The following ADAM12 variants were observed in gnomAD, a reference collection of about 807,000 sequenced individuals.
The protein encoded by ADAM12 is disintegrin and metalloproteinase domain-containing protein 12.
In ADAM12, 70 loss-of-function variants were observed where a neutral mutation model predicts 106.4. That is an observed-to-expected ratio of 0.66 (90% CI 0.54 to 0.80). The LOEUF (loss-of-function observed/expected upper bound fraction) is 0.80. Among genes scored for constraint, ADAM12 ranks in the 30% least tolerant of loss-of-function variants. ADAM12 has a pLI of 0.00. For missense variants in ADAM12, 1,010 were observed against 1,171.9 expected (o/e 0.86, Z 2.02); for synonymous variants, 420 against 433.5 (o/e 0.97, Z 0.39).
At position 126,087,157 on chromosome 10, in the gene ADAM12, G is replaced by A. The variant is rs1418338343; in HGVS notation, c.1145+6828C>T. Among the ~76,000 whole-genome samples, 2 of 152,096 alleles carry A rather than the reference G, an allele frequency of 1.3e-5. 1 individual carries two copies. The highest frequency in any genetic ancestry group is 4.2e-4 in the South Asian group (2 of 4,816). ...AGTGGCCACACAGAATCAGCCTCCC[G>A]AGCTTGACCTCTATTTTGTGTACAG... On this transcript the variant is annotated intron_variant, in intron 11 of 22. Coordinates refer to ENST00000448723, the MANE Select transcript of ADAM12 (RefSeq NM_001288973.2).
At chr10:126,105,176 A>G (rs1955741739) in intron 8 of ADAM12, among the ~76,000 whole-genome samples, 1 of 152,228 alleles carries the variant, frequency 6.6e-6, no homozygotes, top group Non-Finnish European at 1.5e-5. Flanking sequence ...TTTCCGAGGC[A>G]CAGTGTTTTT....
At chr10:126,140,400 TA>T (rs1362482995) in intron 4 of ADAM12, among the ~76,000 whole-genome samples, 1 of 152,202 alleles carries the variant, frequency 6.6e-6, no homozygotes, top group Non-Finnish European at 1.5e-5. Flanking sequence ...AGCATGAGCT[TA>T]GAACAAACTA....
intron 3 of ADAM12, among the ~76,000 whole-genome samples, chr10:126,259,713 G>C (rs1243293228): frequency 1.3e-5 from 2 of 152,142 alleles, no homozygotes; most frequent in Non-Finnish European, 2.9e-5. Context: ...ACACATGAGG[G>C]AATAAAGTCA....
At chr10:126,210,544 C>T (rs1276538541) in intron 3 of ADAM12, among the ~76,000 whole-genome samples, 1 of 152,182 alleles carries the variant, frequency 6.6e-6, no homozygotes, top group African/African-American at 2.4e-5. Context: ...TCGTGGATGG[C>T]TTCCTGGCTG....
In ADAM12 at chr10:126,049,706, A is replaced by G. The variant is rs866766156; in HGVS notation, c.1610-37T>C. The G allele has an allele frequency of 1.9e-6, 3 of 1,571,528 alleles. No homozygotes were observed. The highest frequency in any genetic ancestry group is 2.3e-5 in the South Asian group (2 of 86,162). ...GCAGAACTGCATTTTCATCTCCTGC[A>G]GGTGATTTTTTTTTTTTCATGGCTG... On this transcript the variant is annotated intron_variant, in intron 14 of 22. Transcript: ENST00000448723. This position sits in a 1 kb window ranked among gnomAD's most constrained non-coding sequence, Gnocchi z 4.4.
intron 3 of ADAM12, among the ~76,000 whole-genome samples, chr10:126,253,833 T>G (rs984778392): frequency 6.6e-6 from 1 of 152,216 alleles, no homozygotes; most frequent in African/African-American, 2.4e-5. Flanking sequence ...ACAGGCTCCA[T>G]GAGAGAAGCC....
At chr10:126,074,794 C>T (rs12415953) in intron 11 of ADAM12, among the ~76,000 whole-genome samples, 17,314 of 152,158 alleles carry the variant, frequency 0.11, 1,204 homozygotes, top group African/African-American at 0.18. Flanking sequence ...AGGAAAGTAG[C>T]GATGTCCTCC....
intron 3 of ADAM12, among the ~76,000 whole-genome samples, chr10:126,274,831 G>A (rs1959208448): frequency 6.6e-6 from 1 of 152,128 alleles, no homozygotes; most frequent in Non-Finnish European, 1.5e-5. Context: ...TCTCCACACT[G>A]GTTACATTTC....
intron 3 of ADAM12, among the ~76,000 whole-genome samples, chr10:126,241,217 G>A (rs1958517002): frequency 6.6e-6 from 1 of 152,228 alleles, no homozygotes; most frequent in Non-Finnish European, 1.5e-5. Context: ...GCTTCAGAGA[G>A]ATGGGCAAAC....
chr10:126,142,533 A>G (rs904059156), intron 4 of ADAM12, among the ~76,000 whole-genome samples: 1 of 152,230 alleles, frequency 6.6e-6, no homozygotes, highest in Admixed American at 6.5e-5. Context: ...TCCTTGCTCC[A>G]TTCTGGTAAA....
intron 2 of ADAM12, among the ~76,000 whole-genome samples, chr10:126,315,392 CCTGT>C (rs1364503987): frequency 6.6e-6 from 1 of 152,194 alleles, no homozygotes; most frequent in African/African-American, 2.4e-5. Context: ...TCTCCGTGTT[CCTGT>C]CTGTTATAAC....
chr10:126,045,430 A>G (rs1218289754), intron 17 of ADAM12, among the ~76,000 whole-genome samples: 1 of 152,222 alleles, frequency 6.6e-6, no homozygotes, highest in Non-Finnish European at 1.5e-5. Flanking sequence ...TTTAAAATAA[A>G]GAATTTGGAG....
chr10:126,264,698 G>A (rs1476337983), intron 3 of ADAM12, among the ~76,000 whole-genome samples: 5 of 152,124 alleles, frequency 3.3e-5, no homozygotes, highest in Non-Finnish European at 7.3e-5. Context: ...GTGGGACTAA[G>A]CCTGCTTGTG....
intron 5 of ADAM12, among the ~76,000 whole-genome samples, chr10:126,131,979 G>GTT (rs200265672): frequency 4.9e-5 from 7 of 141,934 alleles, no homozygotes; most frequent in African/African-American, 7.8e-5. Flanking sequence ...TTGAATTCGT[G>GTT]TTTTTTTTTT....
At chr10:126,227,539 G>A (rs370868725) in intron 3 of ADAM12, among the ~76,000 whole-genome samples, 1 of 152,134 alleles carries the variant, frequency 6.6e-6, no homozygotes, top group East Asian at 1.9e-4. Context: ...ACACACAGGA[G>A]CTTGTTAGAA....
intron 1 of ADAM12, among the ~76,000 whole-genome samples, chr10:126,379,746 A>AT (rs66488807): frequency 0.28 from 41,801 of 150,420 alleles, 6,508 homozygotes; most frequent in Middle Eastern, 0.43. Flanking sequence ...CAGTATTTCA[A>AT]TTTTTTTTTT....
chr10:126,360,648 G>C (rs12357562), intron 1 of ADAM12, among the ~76,000 whole-genome samples: 7,429 of 152,218 alleles, frequency 0.049, 258 homozygotes, highest in East Asian at 0.15. Flanking sequence ...TCAGCATTTT[G>C]GTCAAAGCAA....
In ADAM12 at chr10:126,054,363, T is replaced by C. The variant is rs1372164331; in HGVS notation, c.1610-4694A>G. On this transcript the variant is annotated intron_variant, in intron 14 of 22. Coordinates refer to ENST00000448723, the MANE Select transcript of ADAM12 (RefSeq NM_001288973.2). ...ACCTGATTTTGTCAGGCAGCCTTGA[T>C]GAACCTGCGTGGATGCAGGATGATG... Among the ~76,000 whole-genome samples, 2 of 152,250 alleles carry C rather than the reference T, an allele frequency of 1.3e-5. 1 individual carries two copies. Among genetic ancestry groups the C allele is most frequent in the Admixed American group, 1.3e-4 (2 of 15,290 alleles).
At position 126,207,923 on chromosome 10, in the gene ADAM12, G is replaced by T. The variant is rs541345776; in HGVS notation, c.261-52618C>A. Among the ~76,000 whole-genome samples the T allele has an allele frequency of 8.5e-5, 13 of 152,292 alleles. No individual in the cohort carries two copies. In the South Asian group the frequency reaches 2.7e-3, roughly 32 times the overall value. On this transcript the variant is annotated intron_variant, in intron 3 of 22. Transcript: ENST00000448723. ...ATGAAAAACACTAAAAGGAAAAATA[G>T]TAGACAGCCAGCCTTGCAAGGAACA...
Sources: allele counts gnomAD v4.1 joint callset (sites outside exome capture counted in the v4.1 genomes callset), GRCh38; gene constraint gnomAD v4.1.1; non-coding constraint Gnocchi (gnomAD v3.1); transcripts MANE v1.5; gene names NCBI Gene and HGNC (gene_info 2026-07-23, HGNC 2026-07-21).